Variants in ABCB1 observed in about 807,000 individuals in gnomAD.
ABCB1 encodes ATP binding cassette subfamily B member 1.
ABCB1 carries 69 observed loss-of-function variants against 142.0 expected under a neutral mutation model. The observed-to-expected ratio is 0.49, with a 90% CI of 0.40 to 0.59. ABCB1 has a LOEUF of 0.59. Among genes scored for constraint, ABCB1 ranks in the 20% least tolerant of loss-of-function variants. ABCB1 has a pLI of 0.00. For missense variants in ABCB1, 1,326 were observed against 1,554.7 expected, an observed-to-expected ratio of 0.85 and a Z score of 2.47; for synonymous variants, 532 against 539.2, an observed-to-expected ratio of 0.99 and a Z score of 0.18.
intron 3 of ABCB1, among the ~76,000 whole-genome samples, chr7:87,589,138 A>C (rs772830929): frequency 1.3e-5 from 2 of 152,194 alleles, no homozygotes; most frequent in Non-Finnish European, 2.9e-5. Context: ...AGTAGGACAA[A>C]AGCCTCAGTC....
At chr7:87,636,424 T>G (rs1426017509) in intron 1 of ABCB1, among the ~76,000 whole-genome samples, 2 of 152,210 alleles carry the variant, frequency 1.3e-5, no homozygotes, top group Admixed American at 6.5e-5. Flanking sequence ...CTCTGCTTTT[T>G]GTTTATTTTT....
At chr7:87,617,213 G>A (rs538496033) in intron 1 of ABCB1, among the ~76,000 whole-genome samples, 3 of 152,332 alleles carry the variant, frequency 2.0e-5, no homozygotes, top group Non-Finnish European at 2.9e-5. Flanking sequence ...GAGAACTCAT[G>A]CATAACCAGG....
At chr7:87,542,688 G>T (rs1214595877) in intron 17 of ABCB1, among the ~76,000 whole-genome samples, 6 of 149,766 alleles carry the variant, frequency 4.0e-5, no homozygotes, top group African/African-American at 1.5e-4. Context: ...TGACACCACA[G>T]TCTACCCCCG....
intron 1 of ABCB1, among the ~76,000 whole-genome samples, chr7:87,685,214 T>C (rs537357537): frequency 6.6e-6 from 1 of 152,270 alleles, no homozygotes; most frequent in East Asian, 1.9e-4. Flanking sequence ...ATGCATAATA[T>C]ACAAAGAATT....
rs1468733075 is a variant in ABCB1, at chr7:87,570,174, G to A, written c.336C>T (p.Thr112=). 6.2e-7 allele frequency: 1 copy of A among 1,611,994 alleles called. No individual in the cohort carries two copies. The highest frequency in any genetic ancestry group is 2.2e-5 in the East Asian group (1 of 44,784). The change falls in exon 5 of 28, where the codon ACC becomes ACT. Residue 112 remains threonine, a splice_region_variant and synonymous_variant. Transcript: ENST00000622132. ...GFFMNLEEDM[T]RYAYYYSGIG... ...TAGTAAGGAGAATGTCTAATTACCTGGTCATGTCTTCCTCCAGATTCATGA... is the reference window on the plus strand; with the variant it reads ...TAGTAAGGAGAATGTCTAATTACCTAGTCATGTCTTCCTCCAGATTCATGA...
chr7:87,593,311 T>C (rs1819070533), intron 3 of ABCB1, among the ~76,000 whole-genome samples: 1 of 152,248 alleles, frequency 6.6e-6, no homozygotes, highest in African/African-American at 2.4e-5. Context: ...TTGCTTTAGA[T>C]TTTATTCTAC....
At chr7:87,634,385 G>A (rs1821531462) in intron 1 of ABCB1, among the ~76,000 whole-genome samples, 1 of 151,724 alleles carries the variant, frequency 6.6e-6, no homozygotes, top group African/African-American at 2.4e-5. Flanking sequence ...ACTTTGGGAG[G>A]CTGAGGCAGA....
chr7:87,651,505 C>T (rs1011274273), intron 1 of ABCB1, among the ~76,000 whole-genome samples: 2 of 151,978 alleles, frequency 1.3e-5, no homozygotes, highest in Admixed American at 1.3e-4. Flanking sequence ...AATATAGTTG[C>T]TAAAATTCAA....
intron 17 of ABCB1, among the ~76,000 whole-genome samples, chr7:87,543,532 G>A (rs1816635416): frequency 6.6e-6 from 1 of 152,020 alleles, no homozygotes. Context: ...CTTGATGTTT[G>A]GACATATGTC....
chr7:87,684,319 A>G (rs1827225854), intron 1 of ABCB1, among the ~76,000 whole-genome samples: 1 of 152,184 alleles, frequency 6.6e-6, no homozygotes, highest in Non-Finnish European at 1.5e-5. Context: ...TTTTGTAGAT[A>G]TAAAACTTAC....
intron 7 of ABCB1, among the ~76,000 whole-genome samples, chr7:87,564,689 G>A (rs929414157): frequency 6.6e-6 from 1 of 152,132 alleles, no homozygotes; most frequent in African/African-American, 2.4e-5. Flanking sequence ...TAAGAAATTT[G>A]TTTGAAATGA....
chr7:87,541,430 C>T lies in ABCB1; in HGVS notation c.2246G>A (p.Arg749Gln), dbSNP rs754765644. Reference protein sequence around the residue: ...FTRIDDPETKRQNSNLFSLLF... With the variant: ...FTRIDDPETKQQNSNLFSLLF... ...TAGTGAAAACAAGTTACTATTCTGT[C>T]GTTTTGTTTCAGGATCATCAATTCT... The change falls in exon 18 of 28, where the codon CGA becomes CAA. Residue 749 changes from arginine (R) to glutamine (Q), a missense_variant. Coordinates refer to ENST00000622132, the MANE Select transcript of ABCB1 (RefSeq NM_001348946.2). The T allele has an allele frequency of 1.7e-5, 27 of 1,609,182 alleles. No individual in the cohort carries two copies. Among genetic ancestry groups the T allele is most frequent in the Admixed American group, 1.0e-4 (6 of 59,986 alleles).
chr7:87,565,188 T>C (rs1159792477), intron 7 of ABCB1, among the ~76,000 whole-genome samples: 1 of 152,230 alleles, frequency 6.6e-6, no homozygotes, highest in Admixed American at 6.5e-5. Flanking sequence ...TTAAAATTTC[T>C]ACAGTTTCTT....
intron 24 of ABCB1, among the ~76,000 whole-genome samples, chr7:87,515,650 G>T (rs1815207581): frequency 6.6e-6 from 1 of 151,880 alleles, no homozygotes; most frequent in Admixed American, 6.6e-5. Context: ...GAGTGCAGTG[G>T]CATGATCTCA....
chr7:87,697,758 C>A (rs930399673), intron 1 of ABCB1, among the ~76,000 whole-genome samples: 3 of 152,138 alleles, frequency 2.0e-5, no homozygotes, highest in African/African-American at 7.2e-5. Context: ...ACAGTACTAT[C>A]CAGTAGGTAC....
rs566654614 is a variant in ABCB1, at chr7:87,554,441, A to T, written c.828-509T>A. ...TCCTCTAGGACTGTCGGAATGACCA[A>T]CTGAGAGGTTACATGTGTGAGAGCA... On this transcript the variant is annotated intron_variant, in intron 8 of 27. Coordinates refer to ENST00000622132, the MANE Select transcript of ABCB1 (RefSeq NM_001348946.2). Among the ~76,000 whole-genome samples the T allele has an allele frequency of 3.9e-5, 6 of 152,250 alleles. No individual in the cohort carries two copies. In the South Asian group the frequency reaches 1.2e-3, roughly 32 times the overall value.
At chr7:87,674,749 G>A (rs779069754) in intron 1 of ABCB1, among the ~76,000 whole-genome samples, 3 of 152,138 alleles carry the variant, frequency 2.0e-5, no homozygotes, top group African/African-American at 2.4e-5. Context: ...ATCTGAGGCC[G>A]CATTGCAAGT....
At chr7:87,504,611 C>T (rs765953131) in intron 27 of ABCB1, among the ~76,000 whole-genome samples, 162 bp from the exon 28 acceptor site, 12 of 152,124 alleles carry the variant, frequency 7.9e-5, no homozygotes, top group Non-Finnish European at 1.2e-4. Context: ...TGAGACCATC[C>T]TGGCTAACAC....
chr7:87,559,548 T>G (rs1014357832), intron 8 of ABCB1, among the ~76,000 whole-genome samples: 17 of 152,136 alleles, frequency 1.1e-4, no homozygotes, highest in Non-Finnish European at 2.2e-4. Context: ...TTAAATTAAT[T>G]TTTGCTCTTA....
Sources: allele counts gnomAD v4.1 joint callset (sites outside exome capture counted in the v4.1 genomes callset), GRCh38; gene constraint gnomAD v4.1.1; transcripts MANE v1.5; gene names NCBI Gene and HGNC (gene_info 2026-07-23, HGNC 2026-07-21).